The following RAD21 variants were observed in gnomAD, a reference collection of about 807,000 sequenced individuals.
The protein encoded by RAD21 is RAD21 cohesin complex component.
A neutral mutation model predicts 71.5 loss-of-function variants in RAD21; 18 were observed. That is an observed-to-expected ratio of 0.25 (90% CI 0.17 to 0.37). The LOEUF is 0.37. Among genes scored for constraint, RAD21 ranks in the 10% least tolerant of loss-of-function variants. The pLI is 1.00. For synonymous variants in RAD21, 248 were observed against 254.0 expected, an observed-to-expected ratio of 0.98 and a Z score of 0.22; for missense variants, 493 against 769.1, an observed-to-expected ratio of 0.64 and a Z score of 4.25.
At chr8:116,872,539 T>TACACACAC (rs5894355) in intron 1 of RAD21, among the ~76,000 whole-genome samples, 149 of 148,354 alleles carry the variant, frequency 1.0e-3, no homozygotes, top group Middle Eastern at 3.5e-3. Context: ...TATATATACA[T>TACACACAC]ACACACACAC....
intron 1 of RAD21, among the ~76,000 whole-genome samples, chr8:116,870,077 TAAGAGTA>T (rs1812780354): frequency 6.6e-6 from 1 of 152,206 alleles, no homozygotes; most frequent in South Asian, 2.1e-4. Flanking sequence ...TTCCATCACT[TAAGAGTA>T]AAGAGTCTTG....
chr8:116,857,248 A>C lies in RAD21; in HGVS notation c.688+19T>G, dbSNP rs745367775. The C allele has an allele frequency of 6.3e-7, 1 of 1,579,392 alleles. No individual in the cohort carries two copies. Among genetic ancestry groups the C allele is most frequent in the Non-Finnish European group, 8.7e-7 (1 of 1,152,416 alleles). On this transcript the variant is annotated intron_variant, in intron 6 of 13. Transcript: ENST00000297338. ...AAAGAAATTCTGTTTATGCTGGAAT[A>C]ACCATCATTCCCACATACCTAATAT...
In RAD21 at chr8:116,851,762, G is replaced by A. The variant is rs16888902; in HGVS notation, c.1470+186C>T. The A allele has an allele frequency of 3.4e-3, 1,712 of 498,258 alleles. 18 individuals carry two copies. Among genetic ancestry groups the A allele is most frequent in the African/African-American group, 0.019 (977 of 52,434 alleles). 30.9% of individuals were successfully genotyped at this position (498,258 alleles called of 1,614,324 possible). A position where few individuals can be genotyped will look rare whatever the true frequency, so the allele number is the denominator to read the frequency against. ...AAAAAGAGTCAGGAAAGACTGCACC[G>A]ACTCCCAGAACATATTCTCTCACTC... On this transcript the variant is annotated intron_variant, in intron 11 of 13. Coordinates refer to ENST00000297338, the MANE Select transcript of RAD21 (RefSeq NM_006265.3).
At chr8:116,866,894 G>T in intron 1 of RAD21, 133 bp from the exon 2 acceptor site, 1 of 518,066 alleles carries the variant, frequency 1.9e-6, no homozygotes, top group Non-Finnish European at 3.0e-6. Context: ...TGTTTAATAT[G>T]TATTTTAAAA....
rs573197035 is a variant in RAD21, at chr8:116,847,064, GTGTT to G, written c.*432_*435del. On this transcript the variant is annotated 3_prime_UTR_variant, in exon 14 of 14. Transcript: ENST00000297338. ...TTGCCAGTGTTACTGATGGAAAGAA[GTGTT>G]TGTTTGTTTTTTTTTCTTGTCAAAG... 414 of 227,218 alleles carry G rather than the reference GTGTT, an allele frequency of 1.8e-3. No individual in the cohort carries two copies. Among genetic ancestry groups the G allele is most frequent in the Non-Finnish European group, 2.7e-3 (307 of 114,266 alleles). 14.1% of individuals were successfully genotyped at this position (227,218 alleles called of 1,614,324 possible). A position where few individuals can be genotyped will look rare whatever the true frequency, so the allele number is the denominator to read the frequency against.
intron 13 of RAD21, among the ~76,000 whole-genome samples, chr8:116,848,160 T>C (rs2130451156): frequency 6.6e-6 from 1 of 152,276 alleles, no homozygotes; most frequent in Admixed American, 6.5e-5. Flanking sequence ...CAAAACAGAC[T>C]AACACAGATG....
intron 1 of RAD21, among the ~76,000 whole-genome samples, chr8:116,871,681 T>C (rs1225355161): frequency 6.6e-6 from 1 of 152,216 alleles, no homozygotes; most frequent in Non-Finnish European, 1.5e-5. Context: ...AGATGCATAT[T>C]ACTAAAGACA....
intron 1 of RAD21, among the ~76,000 whole-genome samples, chr8:116,872,582 C>T (rs1812850324): frequency 4.0e-5 from 6 of 151,718 alleles, no homozygotes; most frequent in Admixed American, 3.9e-4. Flanking sequence ...TAACTCGGGA[C>T]ATAAATGTAC....
chr8:116,874,643 TGGCCCGGGGA>T lies in RAD21; in HGVS notation c.-75_-66del. The T allele has an allele frequency of 3.9e-6, 1 of 253,658 alleles. No individual in the cohort carries two copies. The allele number at this position is 253,658 out of a possible 1,614,324, so 15.7% of individuals were successfully genotyped here. A position where few individuals can be genotyped will look rare whatever the true frequency, so the allele number is the denominator to read the frequency against. ...TCCGCTGGGAGTTGGGCGGGCTGGG[TGGCCCGGGGA>T]GGGGAAAAGGGTCGGGGGAGGGGGT... On this transcript the variant is annotated 5_prime_UTR_variant, in exon 1 of 14. Coordinates refer to ENST00000297338, the MANE Select transcript of RAD21 (RefSeq NM_006265.3).
intron 13 of RAD21, among the ~76,000 whole-genome samples, chr8:116,848,234 T>A (rs547035869): frequency 1.8e-4 from 27 of 152,310 alleles, no homozygotes; most frequent in African/African-American, 6.0e-4. Context: ...TGCACTTTTT[T>A]AAATAGTATG....
In RAD21 at chr8:116,861,960, C is replaced by T; in HGVS notation, c.275-20G>A. 1.3e-6 allele frequency: 2 copies of T among 1,552,226 alleles called. No individual in the cohort carries two copies. Among genetic ancestry groups the T allele is most frequent in the Non-Finnish European group, 1.8e-6 (2 of 1,125,222 alleles). On this transcript the variant is annotated intron_variant, in intron 3 of 13. Transcript: ENST00000297338. Reference sequence around the variant, plus strand: ...CCACACCTAGAAAAGAAATGCTAAGCTTAAATATCTAGCTACCCATAAATT... The same window carrying T: ...CCACACCTAGAAAAGAAATGCTAAGTTTAAATATCTAGCTACCCATAAATT...
At chr8:116,857,936 G>A (rs567167543) in intron 5 of RAD21, among the ~76,000 whole-genome samples, 1 of 152,288 alleles carries the variant, frequency 6.6e-6, no homozygotes, top group Admixed American at 6.5e-5. Context: ...TCCAGCCTGT[G>A]AAGAGCCACG....
chr8:116,861,776 T>C, intron 4 of RAD21, 65 bp downstream of exon 4: 1 of 1,154,576 alleles, frequency 8.7e-7, no homozygotes, highest in South Asian at 1.3e-5. Context: ...ACTATACATT[T>C]GGAAGCTAAT....
chr8:116,866,785 T>C (rs1229159357), intron 1 of RAD21, 24 bp from the exon 2 acceptor site: 8 of 1,475,494 alleles, frequency 5.4e-6, no homozygotes, highest in Middle Eastern at 1.8e-4. Flanking sequence ...AAAAAGTTAA[T>C]GTAAACATCA....
intron 2 of RAD21, among the ~76,000 whole-genome samples, chr8:116,864,434 G>C (rs1812650655): frequency 6.6e-6 from 1 of 151,956 alleles, no homozygotes; most frequent in Non-Finnish European, 1.5e-5. Context: ...ATGACTCTCA[G>C]GTTCTGTATT....
chr8:116,863,704 A>C (rs1812635306), intron 2 of RAD21, among the ~76,000 whole-genome samples: 1 of 152,108 alleles, frequency 6.6e-6, no homozygotes, highest in Non-Finnish European at 1.5e-5. Flanking sequence ...GTTTCTGAGA[A>C]AGATTTCCCC....
Position 116,874,662 on chromosome 8 carries a change from G to C in RAD21, c.-84C>G. ...GCTGGGTGGCCCGGGGAGGGGAAAA[G>C]GGTCGGGGGAGGGGGTGGGGAAAGG... is the stretch of plus-strand genomic sequence containing the variant. On this transcript the variant is annotated 5_prime_UTR_variant, in exon 1 of 14. Transcript: ENST00000297338. 1 of 375,808 alleles carries C rather than the reference G, an allele frequency of 2.7e-6. No homozygotes were observed. The highest frequency in any genetic ancestry group is 7.5e-5 in the East Asian group (1 of 13,278). The allele number at this position is 375,808 out of a possible 1,614,324, so 23.3% of individuals were successfully genotyped here. A position where few individuals can be genotyped will look rare whatever the true frequency, so the allele number is the denominator to read the frequency against.
At chr8:116,851,802 A>G in intron 11 of RAD21, 146 bp downstream of exon 11, 1 of 772,966 alleles carries the variant, frequency 1.3e-6, no homozygotes, top group South Asian at 2.0e-5. Flanking sequence ...TGGACTGTCT[A>G]TATCCTGTTG....
chr8:116,860,749 G>A (rs978230957), intron 4 of RAD21, among the ~76,000 whole-genome samples: 3 of 152,142 alleles, frequency 2.0e-5, no homozygotes, highest in Admixed American at 6.6e-5. Context: ...CAAACCCACA[G>A]TATCTCCAAG....
Sources: gnomAD v4.1 joint callset for allele counts (sites outside exome capture counted in the v4.1 genomes callset) on GRCh38, gnomAD v4.1.1 for gene constraint, MANE v1.5 for transcripts, NCBI Gene and HGNC (gene_info 2026-07-23, HGNC 2026-07-21) for gene names.